TBX15: variants seen among roughly 807,000 people sequenced by gnomAD.
TBX15 encodes T-box transcription factor 15, also known as T-box transcription factor TBX15.
In TBX15, 18 loss-of-function variants were observed where a neutral mutation model predicts 53.9. The ratio of observed to expected loss-of-function variants is 0.33; its 90% CI spans 0.23 to 0.49. The LOEUF (loss-of-function observed/expected upper bound fraction) is 0.49. Among genes scored for constraint, TBX15 ranks in the 20% least tolerant of loss-of-function variants. The pLI, the probability that TBX15 is intolerant of heterozygous loss-of-function variation, is 0.98. For synonymous variants in TBX15, 295 were observed against 278.0 expected, an observed-to-expected ratio of 1.06 and a Z score of -0.61; for missense variants, 692 against 749.5, an observed-to-expected ratio of 0.92 and a Z score of 0.90.
At chr1:118,935,430 G>A (rs1300592767) in intron 1 of TBX15, among the ~76,000 whole-genome samples, 2 of 152,108 alleles carry the variant, frequency 1.3e-5, no homozygotes, top group African/African-American at 2.4e-5. Context: ...TAGCCATTAG[G>A]AACTCATATG....
chr1:118,886,420 A>G (rs1227222739), intron 7 of TBX15, among the ~76,000 whole-genome samples: 1 of 152,162 alleles, frequency 6.6e-6, no homozygotes, highest in Admixed American at 6.5e-5. Flanking sequence ...TACCCTCTGC[A>G]GGTTACAGTT....
rs116027574 is a variant in TBX15 at position 118,974,591 on chromosome 1, T to G, written c.205+13000A>C. 3.8e-3 allele frequency among the ~76,000 whole-genome samples: 574 copies of G among 152,286 alleles called. 2 individuals are homozygous for G. Among genetic ancestry groups the G allele is most frequent in the African/African-American group, 0.013 (548 of 41,544 alleles). ...GCCAGAAAAGCATGAAACCTGCTGT[T>G]AAGTTCTCTGAAACTCACTGCTGGC... On this transcript the variant is annotated intron_variant, in intron 1 of 7. Transcript: ENST00000369429.
At chr1:118,933,444 C>T (rs749434459) in intron 1 of TBX15, among the ~76,000 whole-genome samples, 203 of 128,588 alleles carry the variant, frequency 1.6e-3, no homozygotes, top group Non-Finnish European at 2.5e-3. Context: ...ATTCTCCCTC[C>T]CCCTCTGCCC....
At chr1:118,910,189 G>A (rs1654985168) in intron 6 of TBX15, among the ~76,000 whole-genome samples, 1 of 152,162 alleles carries the variant, frequency 6.6e-6, no homozygotes, top group South Asian at 2.1e-4. Context: ...GGCAAACTCT[G>A]TAACTCCAAA....
chr1:118,886,187 C>T (rs1161317968), intron 7 of TBX15, among the ~76,000 whole-genome samples: 2 of 152,108 alleles, frequency 1.3e-5, no homozygotes, highest in African/African-American at 4.8e-5. Context: ...AGGGCTAACC[C>T]AAAACAAAAT....
intron 7 of TBX15, among the ~76,000 whole-genome samples, chr1:118,892,758 A>G (rs1654191250): frequency 6.6e-6 from 1 of 152,202 alleles, no homozygotes; most frequent in Non-Finnish European, 1.5e-5. Flanking sequence ...ACTTAACATT[A>G]CCCACGACAG....
intron 5 of TBX15, among the ~76,000 whole-genome samples, chr1:118,915,934 C>T (rs745805730): frequency 1.3e-5 from 2 of 152,120 alleles, no homozygotes; most frequent in Non-Finnish European, 2.9e-5. Context: ...AATGGGTATG[C>T]ATGGAAATTT....
chr1:118,921,223 A>G (rs1186815059), intron 5 of TBX15, among the ~76,000 whole-genome samples: 3 of 152,164 alleles, frequency 2.0e-5, no homozygotes, highest in African/African-American at 7.2e-5. Context: ...GAGAATTGAA[A>G]AGAGTCATAA....
At chr1:118,920,889 A>T (rs546004909) in intron 5 of TBX15, among the ~76,000 whole-genome samples, 1 of 152,312 alleles carries the variant, frequency 6.6e-6, no homozygotes, top group South Asian at 2.1e-4. Flanking sequence ...GGAAGTTAGC[A>T]GAAACAGGAG....
intron 6 of TBX15, among the ~76,000 whole-genome samples, chr1:118,903,583 G>T (rs991822742): frequency 1.3e-5 from 2 of 152,026 alleles, no homozygotes; most frequent in African/African-American, 4.8e-5. Flanking sequence ...ACTATTTGCT[G>T]GTGACACTGG....
At chr1:118,920,174 A>G (rs1298902673) in intron 5 of TBX15, among the ~76,000 whole-genome samples, 1 of 152,190 alleles carries the variant, frequency 6.6e-6, no homozygotes, top group Non-Finnish European at 1.5e-5. Flanking sequence ...TATTTGTAAA[A>G]GGTACAACTT....
rs948025394 is a variant in TBX15, at chr1:118,884,707, T to G, written c.*25A>C. ...AGACTCTGGGGCCTTGATTGCCAAATGCTCCGTGGTGTTTGGACTGGCCTT... is the reference window on the plus strand; with the variant it reads ...AGACTCTGGGGCCTTGATTGCCAAAGGCTCCGTGGTGTTTGGACTGGCCTT... On this transcript the variant is annotated 3_prime_UTR_variant, in exon 8 of 8. Transcript: ENST00000369429. 2 of 1,612,588 alleles carry G rather than the reference T, an allele frequency of 1.2e-6. No homozygotes were observed. Among genetic ancestry groups the G allele is most frequent in the Non-Finnish European group, 1.7e-6 (2 of 1,179,704 alleles).
chr1:118,919,801 C>T (rs1029163164), intron 5 of TBX15, among the ~76,000 whole-genome samples: 12 of 152,188 alleles, frequency 7.9e-5, no homozygotes, highest in Middle Eastern at 3.4e-3. Flanking sequence ...ACATTACATC[C>T]GAATTTTTCA....
chr1:118,988,241 C>A lies in TBX15; in HGVS notation c.-446G>T, dbSNP rs989885172. On this transcript the variant is annotated 5_prime_UTR_variant, in exon 1 of 8. Transcript: ENST00000369429. Reference sequence around the variant, plus strand: ...TCTGCCTTCCCGTCCTCCCTGTGATCCAAACTTCTGGGAAACTTTTTTTTC... The same window carrying A: ...TCTGCCTTCCCGTCCTCCCTGTGATACAAACTTCTGGGAAACTTTTTTTTC... 1.2e-4 allele frequency: 19 copies of A among 161,206 alleles called. No homozygotes were observed. Among genetic ancestry groups the A allele is most frequent in the Non-Finnish European group, 2.5e-4 (19 of 74,540 alleles). 10.0% of individuals were successfully genotyped at this position (161,206 alleles called of 1,614,324 possible). A position where few individuals can be genotyped will look rare whatever the true frequency, so the allele number is the denominator to read the frequency against.
At chr1:118,888,981 G>A (rs1654043877) in intron 7 of TBX15, among the ~76,000 whole-genome samples, 1 of 152,168 alleles carries the variant, frequency 6.6e-6, no homozygotes, top group African/African-American at 2.4e-5. Context: ...CCAGATGAGA[G>A]GCAAATGTTA....
intron 1 of TBX15, among the ~76,000 whole-genome samples, chr1:118,980,959 A>G (rs571980834): frequency 6.6e-6 from 1 of 151,996 alleles, no homozygotes; most frequent in African/African-American, 2.4e-5. Context: ...CAGCCTCCCA[A>G]GTAGCTGGGA....
intron 1 of TBX15, among the ~76,000 whole-genome samples, chr1:118,978,240 CTCTT>C (rs1179291839): frequency 6.6e-6 from 1 of 152,196 alleles, no homozygotes; most frequent in African/African-American, 2.4e-5. Flanking sequence ...AAAAATCTCT[CTCTT>C]TTATTTTTAT....
upstream of TBX15, among the ~76,000 whole-genome samples, chr1:118,988,927 C>T (rs1049844409): frequency 2.6e-5 from 4 of 152,242 alleles, no homozygotes; most frequent in Non-Finnish European, 5.9e-5. Flanking sequence ...AATTCAAAGA[C>T]CGCTTCCTCC....
intron 6 of TBX15, among the ~76,000 whole-genome samples, chr1:118,912,020 G>T (rs1167981574): frequency 6.6e-6 from 1 of 152,198 alleles, no homozygotes; most frequent in Non-Finnish European, 1.5e-5. Context: ...GTTAAAGTAT[G>T]TTCAGATGGC....
Sources: gnomAD v4.1 joint callset for allele counts (sites outside exome capture counted in the v4.1 genomes callset) on GRCh38, gnomAD v4.1.1 for gene constraint, MANE v1.5 for transcripts, NCBI Gene and HGNC (gene_info 2026-07-23, HGNC 2026-07-21) for gene names.